POU6F2: variants seen among roughly 807,000 people sequenced by gnomAD.
POU6F2 encodes POU class 6 homeobox 2.
Under a neutral mutation model 71.3 loss-of-function variants are expected in POU6F2, and 31 were observed. The ratio of observed to expected loss-of-function variants is 0.43; its 90% confidence interval spans 0.33 to 0.59. POU6F2 has a LOEUF of 0.59. Among genes scored for constraint, POU6F2 ranks in the 20% least tolerant of loss-of-function variants. The probability of loss-of-function intolerance (pLI) is 0.04; values close to 1 mark genes in which losing one functional copy is unlikely to be tolerated. For synonymous variants in POU6F2, 347 were observed against 355.7 expected (o/e 0.98, Z 0.27); for missense variants, 783 against 856.8 (o/e 0.91, Z 1.07).
chr7:39,012,019 G>A (rs1337173324), intron 1 of POU6F2, among the ~76,000 whole-genome samples: 5 of 151,970 alleles, frequency 3.3e-5, no homozygotes, highest in Non-Finnish European at 5.9e-5. Context: ...TGCTCTTCTC[G>A]AGGAGTATCT....
intron 8 of POU6F2, among the ~76,000 whole-genome samples, chr7:39,457,470 C>G (rs954457158): frequency 6.6e-6 from 1 of 152,128 alleles, no homozygotes. Flanking sequence ...GCTCCGGAGC[C>G]CCTCCTCAAC....
chr7:39,178,590 G>A (rs1427148218), intron 2 of POU6F2, among the ~76,000 whole-genome samples: 1 of 152,132 alleles, frequency 6.6e-6, no homozygotes, highest in Non-Finnish European at 1.5e-5. Flanking sequence ...TTAACAACTT[G>A]TCATTTTGGT....
intron 1 of POU6F2, among the ~76,000 whole-genome samples, chr7:39,022,785 G>A (rs1407776800): frequency 6.6e-6 from 1 of 151,944 alleles, no homozygotes; most frequent in Admixed American, 6.6e-5. Context: ...GTTATTTCCA[G>A]TTCTGAGCTA....
At chr7:39,067,112 C>A (rs1790772743) in intron 1 of POU6F2, among the ~76,000 whole-genome samples, 2 of 147,282 alleles carry the variant, frequency 1.4e-5, no homozygotes, top group Admixed American at 6.8e-5. Flanking sequence ...CATTATATAT[C>A]ATCACACTAT....
At chr7:39,457,506 T>C (rs1286409617) in intron 8 of POU6F2, among the ~76,000 whole-genome samples, 2 of 152,162 alleles carry the variant, frequency 1.3e-5, no homozygotes, top group Admixed American at 1.3e-4. Flanking sequence ...GTCAGTCCTA[T>C]ACAGGTGAGA....
At chr7:39,167,091 T>A (rs1434225195) in intron 2 of POU6F2, among the ~76,000 whole-genome samples, 5 of 152,176 alleles carry the variant, frequency 3.3e-5, no homozygotes, top group African/African-American at 1.2e-4. Flanking sequence ...CTTTAGTACT[T>A]TGTGTATATC....
At chr7:39,358,112 G>A (rs1472263397) in intron 5 of POU6F2, among the ~76,000 whole-genome samples, 1 of 152,168 alleles carries the variant, frequency 6.6e-6, no homozygotes, top group African/African-American at 2.4e-5. Flanking sequence ...GAGACAATTG[G>A]AAGTATGACC....
At chr7:39,240,453 A>C (rs1783702040) in intron 4 of POU6F2, among the ~76,000 whole-genome samples, 1 of 152,072 alleles carries the variant, frequency 6.6e-6, no homozygotes, top group Admixed American at 6.6e-5. Context: ...GGGCCTTATA[A>C]ATGGAAAGTT....
chr7:39,089,019 A>G (rs1286460406), intron 2 of POU6F2, among the ~76,000 whole-genome samples: 1 of 152,212 alleles, frequency 6.6e-6, no homozygotes, highest in East Asian at 1.9e-4. Context: ...CATACTGTGC[A>G]GAATGTTTCA....
intron 5 of POU6F2, among the ~76,000 whole-genome samples, chr7:39,405,286 A>AT (rs1384349020): frequency 6.6e-6 from 1 of 152,196 alleles, no homozygotes; most frequent in Non-Finnish European, 1.5e-5. Flanking sequence ...CTCTAGGCAA[A>AT]TTTCCAAAGA....
In POU6F2 at chr7:39,004,206, C is replaced by A. The variant is rs375310842; in HGVS notation, c.105+26148C>A. Among the ~76,000 whole-genome samples the A allele has an allele frequency of 7.0e-4, 107 of 152,274 alleles. 3 individuals carry two copies. The South Asian group carries it at 0.021, about 30-fold the overall frequency. ...AATAACAAATAAGAGCCTCCAATTT[C>A]TTGGACACTTCTTATATGCTGTTTA... On this transcript the variant is annotated intron_variant, in intron 1 of 9. Coordinates refer to ENST00000518318, the MANE Select transcript of POU6F2 (RefSeq NM_001370959.1).
At chr7:39,304,511 A>G (rs1562783395) in intron 4 of POU6F2, among the ~76,000 whole-genome samples, 1 of 150,610 alleles carries the variant, frequency 6.6e-6, no homozygotes, top group Non-Finnish European at 1.5e-5. Context: ...AAATTAGAAG[A>G]TTCTGTAAAA....
chr7:39,244,617 C>A lies in POU6F2; in HGVS notation c.598+36997C>A, dbSNP rs1029407034. Among the ~76,000 whole-genome samples, 8 of 152,242 alleles carry A rather than the reference C, an allele frequency of 5.3e-5. No homozygotes were observed. In the East Asian group the frequency reaches 1.4e-3, roughly 26 times the overall value. On this transcript the variant is annotated intron_variant, in intron 4 of 9. Transcript: ENST00000518318. ...CAAGAAATTCCATCAACTAATCATTCATTTCTGTATGTACACTCACACACA... is the reference window on the plus strand; with the variant it reads ...CAAGAAATTCCATCAACTAATCATTAATTTCTGTATGTACACTCACACACA...
At position 39,464,394 on chromosome 7, in the gene POU6F2, A is replaced by G; in HGVS notation, c.1871A>G (p.Asn624Ser). 1 of 1,614,010 alleles carries G rather than the reference A, an allele frequency of 6.2e-7. No homozygotes were observed. The highest frequency in any genetic ancestry group is 8.5e-7 in the Non-Finnish European group (1 of 1,179,892). ...GCCCGCCATCGAGCAGGTATGCAGAACCTGACCGAGTTTATCGGGAGTGAA... is the reference window on the plus strand; with the variant it reads ...GCCCGCCATCGAGCAGGTATGCAGAGCCTGACCGAGTTTATCGGGAGTGAA... The part of the protein sequence containing the change: ...AEARHRAGMQ[N>S]LTEFIGSEPS... Residue 624 changes from asparagine (N) to serine (S), a missense_variant, in exon 10 of 10, where the codon AAC becomes AGC. By Grantham distance (46) the Asn-to-Ser change is conservative. This residue lies in a region of POU6F2 where 211 missense variants were observed against 283.9 expected (regional missense o/e 0.74). Transcript: ENST00000518318. This position sits in a 1 kb window ranked among gnomAD's most constrained non-coding sequence, Gnocchi z 4.1.
chr7:39,184,033 T>C (rs1266832193), intron 2 of POU6F2, among the ~76,000 whole-genome samples: 1 of 152,154 alleles, frequency 6.6e-6, no homozygotes, highest in African/African-American at 2.4e-5. Flanking sequence ...CATTAAGTCT[T>C]GCAAATGCCA....
At chr7:39,078,858 T>C (rs1208093946) in intron 1 of POU6F2, among the ~76,000 whole-genome samples, 2 of 152,046 alleles carry the variant, frequency 1.3e-5, no homozygotes, top group Non-Finnish European at 2.9e-5. Context: ...GGGAAATGAG[T>C]GCCTTGGTTC....
At position 39,081,118 on chromosome 7, in the gene POU6F2, T is replaced by C. The variant is rs192820744; in HGVS notation, c.106-4742T>C. Among the ~76,000 whole-genome samples the C allele has an allele frequency of 2.8e-3, 419 of 152,318 alleles. 3 individuals carry two copies. The highest frequency in any genetic ancestry group is 9.6e-3 in the African/African-American group (398 of 41,578). On this transcript the variant is annotated intron_variant, in intron 1 of 9. Coordinates refer to ENST00000518318, the MANE Select transcript of POU6F2 (RefSeq NM_001370959.1). ...ATAATGACAGTATATATGGTTAGTA[T>C]ATAGTAAATCATATATCATATATGC...
intron 7 of POU6F2, among the ~76,000 whole-genome samples, chr7:39,442,762 C>A (rs748519974): frequency 1.3e-5 from 2 of 152,178 alleles, no homozygotes; most frequent in Non-Finnish European, 2.9e-5. Flanking sequence ...TTGCTACAAT[C>A]TGCTAAAAAC....
At chr7:39,355,863 A>G (rs776699771) in intron 5 of POU6F2, among the ~76,000 whole-genome samples, 1 of 152,194 alleles carries the variant, frequency 6.6e-6, no homozygotes, top group Non-Finnish European at 1.5e-5. Context: ...CTAAAGAGAA[A>G]GTGAAAGGGA....
Sources: gnomAD v4.1 joint callset for allele counts (sites outside exome capture counted in the v4.1 genomes callset) on GRCh38, gnomAD v4.1.1 for gene constraint, gnomAD v4.1.1 regional missense constraint, Gnocchi (gnomAD v3.1) non-coding constraint, MANE v1.5 for transcripts, NCBI Gene and HGNC (gene_info 2026-07-23, HGNC 2026-07-21) for gene names.